The following RBM26 variants were observed in gnomAD, a reference collection of about 807,000 sequenced individuals.
RBM26 encodes RNA-binding protein 26.
In RBM26, 30 loss-of-function variants were observed where a neutral mutation model predicts 123.6. That is an observed-to-expected ratio of 0.24 (90% confidence interval 0.18 to 0.33). The LOEUF (loss-of-function observed/expected upper bound fraction) is 0.33, where lower values mean the gene tolerates loss of function less well. RBM26 is among the 10% of genes least tolerant of loss of function. The pLI is 1.00. For synonymous variants in RBM26, 400 were observed against 404.4 expected, an observed-to-expected ratio of 0.99 and a Z score of 0.13; for missense variants, 947 against 1,203.6, an observed-to-expected ratio of 0.79 and a Z score of 3.15.
downstream of RBM26, chr13:79,313,888 A>C (rs907142506): frequency 1.3e-5 from 2 of 151,330 alleles, no homozygotes; most frequent in African/African-American, 4.8e-5. Flanking sequence ...AAAAAAAAAA[A>C]AGTGATAAAG....
At chr13:79,349,389 G>A (rs1298258001) in intron 14 of RBM26, among the ~76,000 whole-genome samples, 1 of 151,988 alleles carries the variant, frequency 6.6e-6, no homozygotes, top group Non-Finnish European at 1.5e-5. Context: ...GCTTCTATGA[G>A]TTCAACTTTT....
At chr13:79,338,682 A>T (rs1268771875) in intron 18 of RBM26, among the ~76,000 whole-genome samples, 1 of 152,176 alleles carries the variant, frequency 6.6e-6, no homozygotes, top group Non-Finnish European at 1.5e-5. Flanking sequence ...GATGTAACCA[A>T]ATCAGTGCTG....
intron 14 of RBM26, among the ~76,000 whole-genome samples, chr13:79,347,760 T>C (rs1359708519): frequency 6.6e-6 from 1 of 152,104 alleles, no homozygotes; most frequent in East Asian, 1.9e-4. Flanking sequence ...TATGGTTTAT[T>C]CTATTTTCCT....
rs555484270 is a variant in RBM26, at chr13:79,334,628, T to G, written c.2734-198A>C. On this transcript the variant is annotated intron_variant, in intron 19 of 21. Coordinates refer to ENST00000438737, the MANE Select transcript of RBM26 (RefSeq NM_001366735.2). ...AAAAGGTGGTCCTGTCTTCCAATCT[T>G]ACATACAATTCACACTTCCCAGAAT... 1.7e-4 allele frequency among the ~76,000 whole-genome samples: 26 copies of G among 152,256 alleles called. No homozygotes were observed. In the South Asian group the frequency reaches 5.4e-3, roughly 31 times the overall value.
At chr13:79,351,600 G>C (rs1193648991) in intron 14 of RBM26, among the ~76,000 whole-genome samples, 1 of 25,356 alleles carries the variant, frequency 3.9e-5, no homozygotes, top group East Asian at 1.9e-3. Context: ...TTTAGTTGGG[G>C]CGGCGGGGGG....
intron 13 of RBM26, among the ~76,000 whole-genome samples, chr13:79,353,686 T>C (rs2073590758): frequency 6.6e-6 from 1 of 152,176 alleles, no homozygotes. Context: ...ATTCTGCATG[T>C]CCTTGCAGAA....
At position 79,371,060 on chromosome 13, in the gene RBM26, T is replaced by A. The variant is rs767577305; in HGVS notation, c.519A>T (p.Arg173=). The A allele has an allele frequency of 1.2e-6, 2 of 1,614,096 alleles. No individual in the cohort carries two copies. The highest frequency in any genetic ancestry group is 1.7e-6 in the Non-Finnish European group (2 of 1,179,944). Reference sequence around the variant, plus strand: ...TCCTGCTATAACTGCGACTCCGCCCTCGTCTTCTATTGTACCGGTCTCTGT... The same window carrying A: ...TCCTGCTATAACTGCGACTCCGCCCACGTCTTCTATTGTACCGGTCTCTGT... ...DSYRDRYNRR[R]GRSRSYSRSR... is the part of the protein sequence containing the mutation. The change falls in exon 5 of 22, where the codon CGA becomes CGT. Residue 173 remains arginine (R), a synonymous_variant. Transcript: ENST00000438737.
In RBM26 at chr13:79,320,489, TTGTC is replaced by T. The variant is rs2067542406; in HGVS notation, c.*128_*131del. On this transcript the variant is annotated 3_prime_UTR_variant, in exon 22 of 22. Transcript: ENST00000438737. ...GATCAGAAGGTAGTTTTCTTCTTTT[TTGTC>T]TATTTGTGAAATCCATCTTCATCAC... is the stretch of plus-strand genomic sequence containing the variant. 8 of 1,267,380 alleles carry T rather than the reference TTGTC, an allele frequency of 6.3e-6. No homozygotes were observed. The highest frequency in any genetic ancestry group is 8.0e-6 in the Non-Finnish European group (8 of 1,002,398). 78.5% of individuals were successfully genotyped at this position (1,267,380 alleles called of 1,614,324 possible).
chr13:79,365,863 A>C, intron 8 of RBM26, 145 bp from the exon 9 acceptor site: 1 of 959,806 alleles, frequency 1.0e-6, no homozygotes, highest in Non-Finnish European at 1.5e-6. Flanking sequence ...AACTTTATTT[A>C]AAAAAGTTAT....
chr13:79,402,417 G>A lies in RBM26; in HGVS notation c.71+3287C>T, dbSNP rs950485639. On this transcript the variant is annotated intron_variant, in intron 1 of 21. Coordinates refer to ENST00000438737, the MANE Select transcript of RBM26 (RefSeq NM_001366735.2). ...ACAGATATGCAGACTTCTATTTCAC[G>A]CTGAAAACACAGCCAGGCTTTTTTT... Among the ~76,000 whole-genome samples the A allele has an allele frequency of 2.0e-5, 3 of 148,974 alleles. No homozygotes were observed. In the South Asian group the frequency reaches 6.4e-4, roughly 32 times the overall value.
intron 20 of RBM26, among the ~76,000 whole-genome samples, chr13:79,330,236 TA>T (rs1460195017): frequency 6.6e-6 from 1 of 152,190 alleles, no homozygotes; most frequent in East Asian, 1.9e-4. Context: ...ATTCAAAGCT[TA>T]CAGCAAATTA....
At chr13:79,327,045 T>C (rs1376463092) in intron 20 of RBM26, among the ~76,000 whole-genome samples, 3 of 151,994 alleles carry the variant, frequency 2.0e-5, no homozygotes, top group Non-Finnish European at 4.4e-5. Context: ...CCTGTAATTC[T>C]AGCACTTTGT....
chr13:79,353,138 T>C lies in RBM26; in HGVS notation c.2058+15A>G. 6.5e-7 allele frequency: 1 copy of C among 1,535,826 alleles called. No individual in the cohort carries two copies. Among genetic ancestry groups the C allele is most frequent in the Non-Finnish European group, 8.9e-7 (1 of 1,124,970 alleles). On this transcript the variant is annotated intron_variant, in intron 14 of 21. Coordinates refer to ENST00000438737, the MANE Select transcript of RBM26 (RefSeq NM_001366735.2). ...TTATGAAGCCAAGACAAACACATCA[T>C]GCTATTCTTCTTACCTTTTCAGTTG... is the stretch of plus-strand genomic sequence containing the variant.
chr13:79,362,859 G>A (rs1037636945), intron 9 of RBM26, among the ~76,000 whole-genome samples: 1 of 151,956 alleles, frequency 6.6e-6, no homozygotes, highest in Admixed American at 6.6e-5. Context: ...TTAAAAGAAG[G>A]GTATTAAAAA....
chr13:79,328,251 G>A (rs1266478566), intron 20 of RBM26, among the ~76,000 whole-genome samples: 1 of 152,076 alleles, frequency 6.6e-6, no homozygotes, highest in Non-Finnish European at 1.5e-5. Context: ...ACTGAGTTTA[G>A]AAAGCTAGTT....
intron 17 of RBM26, among the ~76,000 whole-genome samples, chr13:79,341,811 G>A (rs890776959): frequency 6.6e-6 from 1 of 151,584 alleles, no homozygotes; most frequent in South Asian, 2.1e-4. Flanking sequence ...AGGGAGAGGC[G>A]ATCCAAAACT....
chr13:79,324,479 T>C (rs1452044722), intron 20 of RBM26, among the ~76,000 whole-genome samples: 1 of 151,926 alleles, frequency 6.6e-6, no homozygotes, highest in African/African-American at 2.4e-5. Flanking sequence ...TCTGGCCTGC[T>C]TGTATTTTTC....
chr13:79,380,852 A>G (rs188400256), intron 1 of RBM26, among the ~76,000 whole-genome samples: 16 of 152,224 alleles, frequency 1.1e-4, no homozygotes, highest in East Asian at 7.7e-4. Context: ...TAGCTCCCAT[A>G]TATGAGTGGT....
intron 3 of RBM26, among the ~76,000 whole-genome samples, chr13:79,372,893 A>T (rs2076103351): frequency 2.5e-5 from 2 of 80,034 alleles, no homozygotes; most frequent in Admixed American, 1.6e-4. Flanking sequence ...ATGCTATATA[A>T]AATATATCTT....
Sources: gnomAD v4.1 joint callset for allele counts (sites outside exome capture counted in the v4.1 genomes callset) on GRCh38, gnomAD v4.1.1 for gene constraint, MANE v1.5 for transcripts, NCBI Gene and HGNC (gene_info 2026-07-23, HGNC 2026-07-21) for gene names.